LSAMP: variants seen among roughly 807,000 people sequenced by gnomAD.
The protein encoded by LSAMP is limbic system-associated membrane protein.
A neutral mutation model predicts 38.6 loss-of-function variants in LSAMP; 7 were observed. The ratio of observed to expected loss-of-function variants is 0.18; its 90% CI spans 0.10 to 0.34. LSAMP has a LOEUF of 0.34. Ranked by LOEUF, LSAMP falls within the 10% of genes least tolerant of loss-of-function variation. LSAMP has a pLI of 1.00. For missense variants in LSAMP, 313 were observed against 420.0 expected (o/e 0.75, Z 2.23); for synonymous variants, 154 against 166.8 (o/e 0.92, Z 0.59).
At position 116,273,693 on chromosome 3, in the gene LSAMP, T is replaced by G. The variant is rs1279438896; in HGVS notation, c.155+171184A>C. On this transcript the variant is annotated intron_variant, in intron 1 of 6. Transcript: ENST00000490035. ...AGAAAGAGAAAGAGGCATATATATA[T>G]ATATATATATATATACACACACACA... is the stretch of plus-strand genomic sequence containing the variant. 6.5e-5 allele frequency among the ~76,000 whole-genome samples: 8 copies of G among 122,846 alleles called. 2 individuals are homozygous for G. Among genetic ancestry groups the G allele is most frequent in the South Asian group, 4.7e-4 (2 of 4,218 alleles). 80.6% of individuals were successfully genotyped at this position (122,846 alleles called of 152,430 possible). A position where few individuals can be genotyped will look rare whatever the true frequency, so the allele number is the denominator to read the frequency against.
Position 116,032,715 on chromosome 3 carries a change from A to C in LSAMP, c.389-13075T>G, listed in dbSNP as rs182953061. ...CTCTTCAGGAGGTTGAGGTGGGAAG[A>C]TTGCTTGAGCCAGGGAGATGGAGGC... On this transcript the variant is annotated intron_variant, in intron 2 of 6. Coordinates refer to ENST00000490035, the MANE Select transcript of LSAMP (RefSeq NM_002338.5). Among the ~76,000 whole-genome samples the C allele has an allele frequency of 1.6e-4, 25 of 152,190 alleles. No individual in the cohort carries two copies. The Middle Eastern group carries it at 0.014, about 83-fold the overall frequency.
chr3:116,025,711 T>G (rs1260161416), intron 2 of LSAMP, among the ~76,000 whole-genome samples: 1 of 152,152 alleles, frequency 6.6e-6, no homozygotes, highest in Non-Finnish European at 1.5e-5. Context: ...GCATATACTC[T>G]TTTGGTTTTC....
At chr3:116,126,865 A>G (rs1315855756) in intron 1 of LSAMP, among the ~76,000 whole-genome samples, 1 of 133,536 alleles carries the variant, frequency 7.5e-6, no homozygotes, top group Non-Finnish European at 1.5e-5. Flanking sequence ...CCACCTCAAA[A>G]CAAAAACAAA....
At chr3:116,054,000 T>C (rs1336725925) in intron 2 of LSAMP, among the ~76,000 whole-genome samples, 1 of 152,212 alleles carries the variant, frequency 6.6e-6, no homozygotes, top group Non-Finnish European at 1.5e-5. Context: ...CTCAAACATA[T>C]TATCTTACAG....
intron 1 of LSAMP, among the ~76,000 whole-genome samples, chr3:116,281,597 T>A (rs989141126): frequency 6.6e-6 from 1 of 152,184 alleles, no homozygotes; most frequent in African/African-American, 2.4e-5. Context: ...TATGAAAGCA[T>A]GTTGTAATAT....
At chr3:115,970,810 A>C (rs1184949186) in intron 3 of LSAMP, among the ~76,000 whole-genome samples, 1 of 152,202 alleles carries the variant, frequency 6.6e-6, no homozygotes, top group Non-Finnish European at 1.5e-5. Flanking sequence ...TAATTTTGGT[A>C]ATGCTGGTTA....
intron 1 of LSAMP, among the ~76,000 whole-genome samples, chr3:116,315,144 C>T (rs1481650730): frequency 1.3e-5 from 2 of 152,186 alleles, no homozygotes; most frequent in African/African-American, 4.8e-5. Flanking sequence ...CAGGCTTTTG[C>T]TTATTCTATC....
rs562380937 is a variant in LSAMP at position 116,416,850 on chromosome 3, T to C, written c.155+28027A>G. ...TTGTGTCCTCAACATTTAGCAAGTG[T>C]CTTAATAATAACTAATACATATTAA... On this transcript the variant is annotated intron_variant, in intron 1 of 6. Transcript: ENST00000490035. Among the ~76,000 whole-genome samples the C allele has an allele frequency of 5.3e-4, 81 of 152,128 alleles. 1 individual carries two copies. In the Middle Eastern group the frequency reaches 0.01, roughly 19 times the overall value.
intron 2 of LSAMP, among the ~76,000 whole-genome samples, chr3:116,030,092 CAT>C (rs1940885253): frequency 6.6e-6 from 1 of 152,136 alleles, no homozygotes; most frequent in African/African-American, 2.4e-5. Flanking sequence ...GCTGGTGACA[CAT>C]GTGTAGCGTG....
At chr3:116,041,707 C>T (rs1184173667) in intron 2 of LSAMP, among the ~76,000 whole-genome samples, 1 of 150,742 alleles carries the variant, frequency 6.6e-6, no homozygotes, top group East Asian at 2.0e-4. Context: ...ATATATACAA[C>T]TCCTGAGATA....
At chr3:116,394,513 A>G (rs1477037403) in intron 1 of LSAMP, among the ~76,000 whole-genome samples, 1 of 152,110 alleles carries the variant, frequency 6.6e-6, no homozygotes, top group Admixed American at 6.6e-5. Context: ...CCACCTCCAC[A>G]CACACAAGTC....
chr3:116,184,503 G>A (rs577987723), intron 1 of LSAMP, among the ~76,000 whole-genome samples: 36 of 151,886 alleles, frequency 2.4e-4, no homozygotes, highest in Non-Finnish European at 3.8e-4. Flanking sequence ...AAGAATAAGG[G>A]AGTCAAAAAT....
At chr3:116,291,074 TTA>T (rs1307001757) in intron 1 of LSAMP, among the ~76,000 whole-genome samples, 1 of 152,204 alleles carries the variant, frequency 6.6e-6, no homozygotes, top group Non-Finnish European at 1.5e-5. Context: ...ATTATCATGT[TTA>T]TGTCTTTTCT....
intron 3 of LSAMP, among the ~76,000 whole-genome samples, chr3:115,877,491 C>T (rs552233291): frequency 3.9e-5 from 6 of 152,072 alleles, no homozygotes; most frequent in South Asian, 2.1e-4. Context: ...TATACATGAG[C>T]GTAATGCCTA....
At chr3:116,366,035 A>AAAAAAAAAAAAAAAAG (rs1273569949) in intron 1 of LSAMP, among the ~76,000 whole-genome samples, 2 of 144,716 alleles carry the variant, frequency 1.4e-5, no homozygotes, top group Non-Finnish European at 3.0e-5. Flanking sequence ...AAAAAAAAAA[A>AAAAAAAAAAAAAAAAG]AAAAGAACTT....
At chr3:115,944,325 A>G (rs1296100844) in intron 3 of LSAMP, among the ~76,000 whole-genome samples, 1 of 152,172 alleles carries the variant, frequency 6.6e-6, no homozygotes, top group African/African-American at 2.4e-5. Flanking sequence ...CATTGTTATC[A>G]ATAACATGAC....
At chr3:116,163,502 T>A (rs1328371040) in intron 1 of LSAMP, among the ~76,000 whole-genome samples, 1 of 151,592 alleles carries the variant, frequency 6.6e-6, no homozygotes, top group African/African-American at 2.4e-5. Flanking sequence ...TGGTTCCAAG[T>A]CTTTGCTATT....
At chr3:116,278,034 G>A (rs947057905) in intron 1 of LSAMP, among the ~76,000 whole-genome samples, 6 of 152,166 alleles carry the variant, frequency 3.9e-5, no homozygotes, top group Non-Finnish European at 8.8e-5. Context: ...GAGAGAAACT[G>A]AAAGCAATAA....
intron 1 of LSAMP, among the ~76,000 whole-genome samples, chr3:116,231,749 G>A (rs983834025): frequency 6.6e-6 from 1 of 152,134 alleles, no homozygotes; most frequent in Non-Finnish European, 1.5e-5. Context: ...TTCACGGAGA[G>A]AATGAACCCA....
Sources: gnomAD v4.1 joint callset for allele counts (sites outside exome capture counted in the v4.1 genomes callset) on GRCh38, gnomAD v4.1.1 for gene constraint, MANE v1.5 for transcripts, NCBI Gene and HGNC (gene_info 2026-07-23, HGNC 2026-07-21) for gene names.